The following MLXIPL variants were observed in gnomAD, a reference collection of about 807,000 sequenced individuals.
The protein encoded by MLXIPL is MLX interacting protein like, also known as carbohydrate-responsive element-binding protein.
A neutral mutation model predicts 81.5 loss-of-function variants in MLXIPL; 49 were observed. The ratio of observed to expected loss-of-function variants is 0.60; its 90% CI spans 0.48 to 0.76. The LOEUF (loss-of-function observed/expected upper bound fraction) is 0.76, where lower values mean the gene tolerates loss of function less well. MLXIPL is among the 30% of genes least tolerant of loss of function. The pLI is 0.00. For missense variants in MLXIPL, 1,053 were observed against 1,167.0 expected, an observed-to-expected ratio of 0.90 and a Z score of 1.42; for synonymous variants, 466 against 485.5, an observed-to-expected ratio of 0.96 and a Z score of 0.53.
At chr7:73,639,402 A>G in the MLXIPL span, among the ~76,000 whole-genome samples, 3 of 152,240 alleles carry the variant, frequency 2.0e-5, no homozygotes, top group Non-Finnish European at 4.4e-5. Context: ...ACTGTTTATA[A>G]TAGTGAAAAG....
Position 73,596,647 on chromosome 7 carries a change from G to C in MLXIPL, c.1814C>G (p.Ala605Gly), listed in dbSNP as rs782463021. Residue 605 changes from alanine to glycine, a missense_variant, in exon 11 of 17, where the codon GCG becomes GGG. Around this residue, in one of 3 missense-constraint regions of MLXIPL, gnomAD observed 823 missense variants for 933.0 expected, o/e 0.88. Coordinates refer to ENST00000313375, the MANE Select transcript of MLXIPL (RefSeq NM_032951.3). This position sits in a 1 kb window ranked among gnomAD's most constrained non-coding sequence, Gnocchi z 4.7. ...GCAACCCCTCTCTTTACCGCTGGGC[G>C]CTGGGGGTGAGAGCCGCTCCGCTTT... The part of the protein sequence containing the change: ...VPKAERLSPP[A>G]PSGSERRLSG... The C allele has an allele frequency of 1.3e-6, 2 of 1,596,432 alleles. No individual in the cohort carries two copies. Among genetic ancestry groups the C allele is most frequent in the Non-Finnish European group, 1.7e-6 (2 of 1,171,366 alleles).
At chr7:73,627,846 CA>C (rs1285655668), upstream of MLXIPL, among the ~76,000 whole-genome samples, 3 of 152,080 alleles carry the variant, frequency 2.0e-5, no homozygotes, top group Non-Finnish European at 4.4e-5. Flanking sequence ...GACCCTGGCT[CA>C]GGTGAAGACC....
intron 2 of MLXIPL, among the ~76,000 whole-genome samples, chr7:73,607,919 T>G (rs770267740): frequency 6.9e-6 from 1 of 144,628 alleles, no homozygotes; most frequent in Non-Finnish European, 1.5e-5. Flanking sequence ...TGCAATGGCG[T>G]GATCTTGGCT....
intron 2 of MLXIPL, among the ~76,000 whole-genome samples, chr7:73,612,231 C>T (rs782738213): frequency 5.3e-5 from 8 of 151,172 alleles, no homozygotes; most frequent in Middle Eastern, 3.2e-3. Flanking sequence ...CTAGGGAGGC[C>T]GAGGTGGGGG....
At chr7:73,637,253 G>A in the MLXIPL span, among the ~76,000 whole-genome samples, 1 of 151,818 alleles carries the variant, frequency 6.6e-6, no homozygotes, top group Non-Finnish European at 1.5e-5. Flanking sequence ...CGAGGCAAGA[G>A]GATCACTTGA....
intron 1 of MLXIPL, among the ~76,000 whole-genome samples, chr7:73,622,268 A>G (rs1259639015): frequency 6.6e-6 from 1 of 151,946 alleles, no homozygotes. Context: ...AGGCAGGTGG[A>G]TCACCTGAGG....
intron 1 of MLXIPL, among the ~76,000 whole-genome samples, chr7:73,619,489 C>T (rs1796199942): frequency 6.8e-6 from 1 of 147,968 alleles, no homozygotes; most frequent in Non-Finnish European, 1.5e-5. Flanking sequence ...GTTAGCTGGG[C>T]ATGGTGGTGC....
At chr7:73,600,479 T>C (rs1477265255) in intron 7 of MLXIPL, among the ~76,000 whole-genome samples, 21 of 16,934 alleles carry the variant, frequency 1.2e-3, no homozygotes, top group South Asian at 3.1e-3. Flanking sequence ...TAAGGGTGGG[T>C]TCTGAGTGGG....
In MLXIPL at chr7:73,595,959, G is replaced by C; in HGVS notation, c.2069C>G (p.Ala690Gly). Residue 690 changes from alanine (A) to glycine (G), a missense_variant, in exon 14 of 17, where the codon GCT becomes GGT. By Grantham distance (60) the Ala-to-Gly change is moderately conservative (BLOSUM62 0). This residue lies in a region of MLXIPL where 823 missense variants were observed against 933.0 expected (regional missense o/e 0.88). Transcript: ENST00000313375. The stretch of plus-strand genomic sequence containing the variant: ...CTCAGCTGTCTTCTGCAGCGTGGTA[G>C]CTTTGCTCACCTGCAGACGCCACCA... ...SAQPSLKVSK[A>G]TTLQKTAEYI... 6.2e-7 allele frequency: 1 copy of C among 1,612,902 alleles called. No homozygotes were observed.
Position 73,597,230 on chromosome 7 carries a change from TG to T in MLXIPL, c.1554del (p.Thr519ProfsTer108). The T allele has an allele frequency of 1.3e-6, 2 of 1,581,504 alleles. No individual in the cohort carries two copies. Among genetic ancestry groups the T allele is most frequent in the Non-Finnish European group, 8.6e-7 (1 of 1,165,934 alleles). On this transcript the variant is annotated frameshift_variant, in exon 9 of 17. Transcript: ENST00000313375. LOFTEE classifies it high-confidence loss of function. ...CAGGGGTTGTTGCTCCCCGCAGTGG[TG>T]GGGGGACTGGCAGTGGCAGGGGCTA... is the stretch of plus-strand genomic sequence containing the variant. The part of the protein sequence containing the change: ...PTLAPATASP[P>X]TTAGSNNPCL...
chr7:73,633,289 A>C, the MLXIPL span, among the ~76,000 whole-genome samples: 1 of 149,982 alleles, frequency 6.7e-6, no homozygotes, highest in Admixed American at 6.7e-5. Flanking sequence ...TCACCGTGTT[A>C]ACCAGGATGG....
At chr7:73,643,993 G>A in the MLXIPL span, among the ~76,000 whole-genome samples, 1 of 151,592 alleles carries the variant, frequency 6.6e-6, no homozygotes. Context: ...TGGTCTCAAA[G>A]TCCTGGGCTC....
chr7:73,606,741 C>T (rs1795310652), intron 5 of MLXIPL: 4 of 549,644 alleles, frequency 7.3e-6, no homozygotes, highest in Admixed American at 5.7e-5. Flanking sequence ...CCTCTGTTCT[C>T]CCATGCCTCC....
chr7:73,597,106 G>A, intron 9 of MLXIPL, 76 bp downstream of exon 9: 1 of 1,495,342 alleles, frequency 6.7e-7, no homozygotes, highest in Non-Finnish European at 9.0e-7. Flanking sequence ...TTCATCTTCT[G>A]CTCCCAAAAC....
chr7:73,594,032 C>T (rs1417035753), intron 16 of MLXIPL, 49 bp from the exon 17 acceptor site: 4 of 1,548,160 alleles, frequency 2.6e-6, no homozygotes, highest in Non-Finnish European at 3.6e-6. Context: ...GGGGTCAGGG[C>T]CCTACCCTTG....
chr7:73,619,223 G>A (rs1449402434), intron 1 of MLXIPL, among the ~76,000 whole-genome samples: 5 of 152,070 alleles, frequency 3.3e-5, no homozygotes, highest in African/African-American at 1.2e-4. Context: ...CACTTTGGGA[G>A]GCCGAGGTGG....
chr7:73,624,174 C>T, intron 1 of MLXIPL, 26 bp downstream of exon 1: 2 of 1,521,436 alleles, frequency 1.3e-6, no homozygotes. Context: ...GAAGCCAAGG[C>T]CGTCAGGGCC....
chr7:73,602,008 C>T (rs184085962), intron 7 of MLXIPL, among the ~76,000 whole-genome samples: 184 of 152,046 alleles, frequency 1.2e-3, no homozygotes, highest in African/African-American at 4.1e-3. Context: ...GGTGCACGTG[C>T]GTCTGCTCTG....
intron 7 of MLXIPL, among the ~76,000 whole-genome samples, chr7:73,601,721 G>T (rs1398697752): frequency 1.3e-5 from 2 of 151,102 alleles, no homozygotes; most frequent in Admixed American, 6.6e-5. Context: ...TAGCAAAAAT[G>T]GGGTTTTGCC....
Sources: allele counts gnomAD v4.1 joint callset (sites outside exome capture counted in the v4.1 genomes callset), GRCh38; gene constraint gnomAD v4.1.1; regional missense constraint gnomAD v4.1.1; non-coding constraint Gnocchi (gnomAD v3.1); transcripts MANE v1.5; gene names NCBI Gene and HGNC (gene_info 2026-07-23, HGNC 2026-07-21).